The following ATP8A1 variants were observed in gnomAD, a reference collection of about 807,000 sequenced individuals.
ATP8A1 encodes the protein phospholipid-transporting ATPase IA.
In ATP8A1, 90 loss-of-function variants were observed where a neutral mutation model predicts 177.7. The observed-to-expected ratio is 0.51, with a 90% CI of 0.43 to 0.60. The LOEUF is 0.60. Among genes scored for constraint, ATP8A1 ranks in the 20% least tolerant of loss-of-function variants. The pLI, the probability that ATP8A1 is intolerant of heterozygous loss-of-function variation, is 0.00. For missense variants in ATP8A1, 1,072 were observed against 1,392.8 expected, an observed-to-expected ratio of 0.77 and a Z score of 3.67; for synonymous variants, 493 against 485.9, an observed-to-expected ratio of 1.01 and a Z score of -0.19.
At chr4:42,508,076 T>C (rs1039118997) in intron 22 of ATP8A1, among the ~76,000 whole-genome samples, 2 of 152,304 alleles carry the variant, frequency 1.3e-5, no homozygotes, top group African/African-American at 4.8e-5. Context: ...TTAGATATTG[T>C]CTTGTACCAT....
intron 15 of ATP8A1, among the ~76,000 whole-genome samples, chr4:42,566,213 T>C (rs566816319): frequency 2.0e-5 from 3 of 152,360 alleles, no homozygotes; most frequent in South Asian, 4.1e-4. Context: ...GAGGTAATTA[T>C]GTTTTTTTAA....
intron 4 of ATP8A1, among the ~76,000 whole-genome samples, chr4:42,620,251 A>G (rs1475337327): frequency 6.6e-6 from 1 of 152,174 alleles, no homozygotes; most frequent in Non-Finnish European, 1.5e-5. Context: ...ACTTTCTATC[A>G]CTTTACAGTT....
chr4:42,531,520 C>A (rs1033428497), intron 20 of ATP8A1, among the ~76,000 whole-genome samples: 5 of 152,154 alleles, frequency 3.3e-5, no homozygotes, highest in Admixed American at 2.6e-4. Context: ...GATGAGGAAG[C>A]CCTCTTTCTT....
intron 35 of ATP8A1, among the ~76,000 whole-genome samples, chr4:42,419,490 G>A (rs1159462020): frequency 6.6e-6 from 1 of 152,158 alleles, no homozygotes; most frequent in Non-Finnish European, 1.5e-5. Context: ...ATTAAATATT[G>A]TGAATGCAAA....
intron 14 of ATP8A1, 22 bp downstream of exon 14, chr4:42,574,597 C>T: frequency 6.4e-7 from 1 of 1,572,844 alleles, no homozygotes; most frequent in Non-Finnish European, 8.7e-7. Context: ...ATTTCATATC[C>T]TAATTAAAGG....
intron 13 of ATP8A1, 28 bp from the exon 14 acceptor site, chr4:42,574,735 T>C (rs1732262975): frequency 2.0e-6 from 3 of 1,519,060 alleles, no homozygotes; most frequent in African/African-American, 1.4e-5. Context: ...TTCTCATTAA[T>C]ATTTTGAAAG....
intron 21 of ATP8A1, 84 bp from the exon 22 acceptor site, chr4:42,522,383 C>T (rs2153198610): frequency 6.7e-7 from 1 of 1,503,702 alleles, no homozygotes; most frequent in Non-Finnish European, 9.0e-7. Flanking sequence ...TCACAAAGTC[C>T]CATTTTGAAA....
chr4:42,646,114 T>C (rs1288317402), intron 1 of ATP8A1, among the ~76,000 whole-genome samples: 1 of 152,218 alleles, frequency 6.6e-6, no homozygotes, highest in East Asian at 1.9e-4. Flanking sequence ...TCAGGTGAGC[T>C]GGCCAAAAGC....
chr4:42,626,286 CTCT>C (rs2109490579), intron 2 of ATP8A1: 1 of 151,880 alleles, frequency 6.6e-6, no homozygotes, highest in African/African-American at 2.4e-5. Flanking sequence ...CCAGATCTTC[CTCT>C]TGTTTATCAA....
rs565654793 is a variant in ATP8A1, at chr4:42,437,027, G to A, written c.3123+6538C>T. 9.5e-4 allele frequency among the ~76,000 whole-genome samples: 144 copies of A among 152,282 alleles called. 1 individual carries two copies. The highest frequency in any genetic ancestry group is 6.8e-3 in the Middle Eastern group (2 of 294). The stretch of plus-strand genomic sequence containing the variant: ...AAGCCTTTACAAACCTCAATCAAGA[G>A]ATCTGAAATTCTGTAAAACACATGC... On this transcript the variant is annotated intron_variant, in intron 33 of 36. Coordinates refer to ENST00000381668, the MANE Select transcript of ATP8A1 (RefSeq NM_006095.2).
At chr4:42,500,646 T>C (rs1474200698) in intron 24 of ATP8A1, among the ~76,000 whole-genome samples, 1 of 152,116 alleles carries the variant, frequency 6.6e-6, no homozygotes. Flanking sequence ...GGTGGGTAAC[T>C]GGGTGAGAAC....
At position 42,410,616 on chromosome 4, in the gene ATP8A1, G is replaced by C. The variant is rs1415686770; in HGVS notation, c.*2300C>G. ...CCAAGTCTCACCCAGGAAGCAAAGA[G>C]ACTGACAATGTCAATAATTCAAAAA... On this transcript the variant is annotated 3_prime_UTR_variant, in exon 37 of 37. Coordinates refer to ENST00000381668, the MANE Select transcript of ATP8A1 (RefSeq NM_006095.2). The C allele has an allele frequency of 1.3e-5, 2 of 152,148 alleles. No individual in the cohort carries two copies. The highest frequency in any genetic ancestry group is 2.9e-5 in the Non-Finnish European group (2 of 68,028). The allele number at this position is 152,148 out of a possible 1,614,324, so 9.4% of individuals were successfully genotyped here. A position where few individuals can be genotyped will look rare whatever the true frequency, so the allele number is the denominator to read the frequency against.
intron 21 of ATP8A1, among the ~76,000 whole-genome samples, 179 bp downstream of exon 21, chr4:42,524,584 T>C (rs1172442210): frequency 6.6e-6 from 1 of 152,118 alleles, no homozygotes; most frequent in Non-Finnish European, 1.5e-5. Context: ...AAATATAGTT[T>C]TAGGAAAGTA....
At chr4:42,611,250 AG>A (rs1164477940) in intron 5 of ATP8A1, among the ~76,000 whole-genome samples, 1 of 11,146 alleles carries the variant, frequency 9.0e-5, no homozygotes. Context: ...GCTCTGGGGA[AG>A]GAAGATAAGG....
At chr4:42,632,575 T>C (rs1035680055) in intron 1 of ATP8A1, among the ~76,000 whole-genome samples, 1 of 152,196 alleles carries the variant, frequency 6.6e-6, no homozygotes, top group African/African-American at 2.4e-5. Flanking sequence ...TTTTAACTAC[T>C]GAATATGTTA....
intron 25 of ATP8A1, among the ~76,000 whole-genome samples, chr4:42,477,192 T>G (rs1186340170): frequency 6.6e-6 from 1 of 152,196 alleles, no homozygotes; most frequent in East Asian, 1.9e-4. Context: ...AATAAGTGAA[T>G]GAATAAATTT....
intron 25 of ATP8A1, among the ~76,000 whole-genome samples, chr4:42,482,359 C>T (rs1303647741): frequency 1.3e-5 from 2 of 150,692 alleles, no homozygotes; most frequent in African/African-American, 2.4e-5. Context: ...AAAGAAAATA[C>T]AGTGCTGTTA....
intron 1 of ATP8A1, among the ~76,000 whole-genome samples, chr4:42,640,234 C>A (rs764951971): frequency 1.3e-5 from 2 of 152,170 alleles, no homozygotes; most frequent in African/African-American, 4.8e-5. Flanking sequence ...TGGGAAAGAT[C>A]TGAAAATTCA....
At chr4:42,507,729 CAAAAAAAAAAAAAAAAA>C (rs34269384) in intron 22 of ATP8A1, among the ~76,000 whole-genome samples, 1 of 8,908 alleles carries the variant, frequency 1.1e-4, no homozygotes, top group Non-Finnish European at 2.6e-4. Flanking sequence ...GACTCCATCT[CAAAAAAAAAAAAAAAAA>C]AAAAAAAAAG....
Sources: gnomAD v4.1 joint callset for allele counts (sites outside exome capture counted in the v4.1 genomes callset) on GRCh38, gnomAD v4.1.1 for gene constraint, MANE v1.5 for transcripts, NCBI Gene and HGNC (gene_info 2026-07-23, HGNC 2026-07-21) for gene names.